Variants in SYNRG observed in about 807,000 individuals in gnomAD.
SYNRG encodes AP1 gamma subunit binding protein 1.
In SYNRG, 37 loss-of-function variants were observed where a neutral mutation model predicts 130.9. The observed-to-expected ratio is 0.28, with a 90% CI of 0.22 to 0.37. The LOEUF is 0.37. Ranked by LOEUF, SYNRG falls within the 10% of genes least tolerant of loss-of-function variation. SYNRG has a pLI of 1.00. For missense variants in SYNRG, 1,338 were observed against 1,588.9 expected (o/e 0.84, Z 2.68); for synonymous variants, 539 against 568.1 (o/e 0.95, Z 0.73).
Position 37,553,231 on chromosome 17 carries a change from G to A in SYNRG, c.2492C>T (p.Ala831Val). Residue 831 changes from alanine to valine, a missense_variant, in exon 14 of 22, where the codon GCA becomes GTA. Transcript: ENST00000612223. ...SSVGKEDSEDALSVQFDMKLA... is the reference protein window; with the variant it reads ...SSVGKEDSEDVLSVQFDMKLA... ...TTTCATGTCAAACTGAACAGAGAGT[G>A]CATCTTCAGAGTCCTCCTTGCCAAC... is the stretch of plus-strand genomic sequence containing the variant. 1 of 1,614,008 alleles carries A rather than the reference G, an allele frequency of 6.2e-7. No homozygotes were observed. Among genetic ancestry groups the A allele is most frequent in the Non-Finnish European group, 8.5e-7 (1 of 1,179,990 alleles).
chr17:37,535,555 A>G (rs1250635090), intron 19 of SYNRG, among the ~76,000 whole-genome samples: 2 of 152,222 alleles, frequency 1.3e-5, no homozygotes, highest in Admixed American at 6.5e-5. Flanking sequence ...ACAGGGAAAA[A>G]TGAAAATGAC....
chr17:37,596,215 G>T lies in SYNRG; in HGVS notation c.240+8C>A, dbSNP rs766734250. 6.2e-7 allele frequency: 1 copy of T among 1,612,444 alleles called. No individual in the cohort carries two copies. On this transcript the variant is annotated splice_region_variant and intron_variant, in intron 3 of 21. Transcript: ENST00000612223. ...ACTTTGTAAGAAACCAACTAAAGAA[G>T]CAAGTACCTGCATAGCAATAGGTCC... is the stretch of plus-strand genomic sequence containing the variant.
At position 37,568,860 on chromosome 17, in the gene SYNRG, T is replaced by C. The variant is rs142860061; in HGVS notation, c.1412A>G (p.Asp471Gly). ...CTCTTGGAAATCACTGAATGAGTCA[T>C]CAAGGGATCCTGACTTAGAAGCATC... is the stretch of plus-strand genomic sequence containing the variant. ...FQDASKSGSLDDSFSDFQELP... is the reference protein window; with the variant it reads ...FQDASKSGSLGDSFSDFQELP... Residue 471 changes from aspartate to glycine, a missense_variant, in exon 11 of 22, where the codon GAT (aspartate) becomes GGT (glycine). Physicochemically the swap from Asp to Gly is moderately conservative, Grantham distance 94. Coordinates refer to ENST00000612223, the MANE Select transcript of SYNRG (RefSeq NM_007247.6). 5.5e-4 allele frequency: 889 copies of C among 1,614,146 alleles called. 10 individuals carry two copies. In the South Asian group the frequency reaches 8.1e-3, roughly 15 times the overall value.
At chr17:37,520,254 G>A in intron 20 of SYNRG, 40 bp from the exon 21 acceptor site, 1 of 1,613,416 alleles carries the variant, frequency 6.2e-7, no homozygotes, top group Non-Finnish European at 8.5e-7. Context: ...AACATTCCCA[G>A]AACAGGGCCT....
intron 1 of SYNRG, among the ~76,000 whole-genome samples, chr17:37,602,884 C>T (rs148254101): frequency 2.0e-5 from 3 of 151,986 alleles, no homozygotes; most frequent in Non-Finnish European, 2.9e-5. Flanking sequence ...ATTAGCCAGG[C>T]GTGGTGGCAT....
rs61629623 is a variant in SYNRG, at chr17:37,595,999, C to A, written c.240+224G>T. 2.8e-3 allele frequency among the ~76,000 whole-genome samples: 425 copies of A among 152,328 alleles called. 2 individuals are homozygous for A. Among genetic ancestry groups the A allele is most frequent in the African/African-American group, 9.7e-3 (404 of 41,564 alleles). On this transcript the variant is annotated intron_variant, in intron 3 of 21. Transcript: ENST00000612223. ...CGAACTCCTGACCTCAAGTGATCTG[C>A]CCGCCTTGGCCTCCCAAAGTGCTGG... is the stretch of plus-strand genomic sequence containing the variant.
At chr17:37,580,069 T>C (rs1474346386) in intron 6 of SYNRG, among the ~76,000 whole-genome samples, 1 of 152,110 alleles carries the variant, frequency 6.6e-6, no homozygotes, top group South Asian at 2.1e-4. Flanking sequence ...TAATATTATC[T>C]CAAACCAATA....
At chr17:37,550,854 T>C (rs890559109) in intron 14 of SYNRG, among the ~76,000 whole-genome samples, 1 of 152,198 alleles carries the variant, frequency 6.6e-6, no homozygotes, top group African/African-American at 2.4e-5. Flanking sequence ...AACCATATGA[T>C]TTTAATGACT....
chr17:37,571,056 ATACT>A (rs759694133), intron 9 of SYNRG, among the ~76,000 whole-genome samples, 171 bp from the exon 10 acceptor site: 1 of 152,252 alleles, frequency 6.6e-6, no homozygotes, highest in Non-Finnish European at 1.5e-5. Flanking sequence ...TGCAAACCTA[ATACT>A]TAAGAAAGAA....
At chr17:37,525,942 G>T (rs958091065) in intron 19 of SYNRG, among the ~76,000 whole-genome samples, 6 of 152,180 alleles carry the variant, frequency 3.9e-5, no homozygotes, top group Non-Finnish European at 7.4e-5. Context: ...CTCCAGCCTG[G>T]GCAACAGAGC....
chr17:37,603,942 A>G (rs911037094), intron 1 of SYNRG, among the ~76,000 whole-genome samples: 5 of 152,058 alleles, frequency 3.3e-5, no homozygotes, highest in African/African-American at 1.2e-4. Flanking sequence ...TGGCATCTTC[A>G]CCTGCATTGA....
intron 3 of SYNRG, among the ~76,000 whole-genome samples, chr17:37,593,466 T>G (rs1323227084): frequency 1.3e-5 from 2 of 152,054 alleles, no homozygotes; most frequent in East Asian, 3.9e-4. Flanking sequence ...ATCACTTTTA[T>G]CTCCAAAGAC....
At chr17:37,579,092 A>G (rs1358216389) in intron 6 of SYNRG, 3 of 1,110,614 alleles carry the variant, frequency 2.7e-6, no homozygotes, top group Middle Eastern at 2.5e-4. Flanking sequence ...TTATCCCAGG[A>G]TATCTTAAGA....
In SYNRG at chr17:37,546,249, G is replaced by A. The variant is rs563474057; in HGVS notation, c.2609-3684C>T. ...TAGATGGATTTTCAATTTGATAGCC[G>A]AATTCTGAAAATTGCAAGAGAAAAA... is the stretch of plus-strand genomic sequence containing the variant. On this transcript the variant is annotated intron_variant, in intron 14 of 21. Coordinates refer to ENST00000612223, the MANE Select transcript of SYNRG (RefSeq NM_007247.6). Among the ~76,000 whole-genome samples the A allele has an allele frequency of 1.7e-4, 26 of 152,196 alleles. No homozygotes were observed. In the East Asian group the frequency reaches 2.5e-3, roughly 15 times the overall value.
chr17:37,579,773 T>C (rs59355202), intron 6 of SYNRG, among the ~76,000 whole-genome samples: 6,718 of 152,282 alleles, frequency 0.044, 477 homozygotes, highest in African/African-American at 0.15. Flanking sequence ...GGCATGCTCA[T>C]AGCTCATGAT....
At chr17:37,520,756 C>G (rs2054916524) in intron 19 of SYNRG, 108 bp from the exon 20 acceptor site, 1 of 794,782 alleles carries the variant, frequency 1.3e-6, no homozygotes, top group East Asian at 2.6e-5. Context: ...GTACAGTACT[C>G]TAACACCACC....
chr17:37,584,550 T>C, intron 6 of SYNRG, 98 bp downstream of exon 6: 1 of 951,656 alleles, frequency 1.1e-6, no homozygotes, highest in Non-Finnish European at 1.7e-6. Context: ...GAGTTCTACA[T>C]TGACTTTTCA....
At chr17:37,561,339 C>G in intron 12 of SYNRG, 82 bp from the exon 13 acceptor site, 1 of 1,503,188 alleles carries the variant, frequency 6.7e-7, no homozygotes, top group South Asian at 1.1e-5. Context: ...ATTGGTTTAA[C>G]CAAACACTAT....
chr17:37,596,116 T>C (rs2062748560), intron 3 of SYNRG, 107 bp downstream of exon 3: 1 of 1,296,392 alleles, frequency 7.7e-7, no homozygotes, highest in Admixed American at 2.2e-5. Context: ...GCCATTTATT[T>C]ATGCTTATTT....
Sources: gnomAD v4.1 joint callset for allele counts (sites outside exome capture counted in the v4.1 genomes callset) on GRCh38, gnomAD v4.1.1 for gene constraint, MANE v1.5 for transcripts, NCBI Gene and HGNC (gene_info 2026-07-23, HGNC 2026-07-21) for gene names.